SCARB2: variants seen among roughly 807,000 people sequenced by gnomAD.
The protein encoded by SCARB2 is lysosome membrane protein 2.
A neutral mutation model predicts 58.6 loss-of-function variants in SCARB2; 29 were observed. The ratio of observed to expected loss-of-function variants is 0.49; its 90% confidence interval spans 0.37 to 0.67. The LOEUF (loss-of-function observed/expected upper bound fraction) is 0.67, where lower values mean the gene tolerates loss of function less well. SCARB2 is among the 30% of genes least tolerant of loss of function. The pLI, the probability that SCARB2 is intolerant of heterozygous loss-of-function variation, is 0.00. For synonymous variants in SCARB2, 195 were observed against 210.1 expected, an observed-to-expected ratio of 0.93 and a Z score of 0.62; for missense variants, 488 against 578.5, an observed-to-expected ratio of 0.84 and a Z score of 1.60.
chr4:76,194,718 C>T (rs1449997226), intron 2 of SCARB2: 2 of 152,060 alleles, frequency 1.3e-5, no homozygotes, highest in African/African-American at 4.8e-5. Context: ...GTTTTCTAAC[C>T]TGGTAAGGAG....
At chr4:76,167,453 G>A (rs1578714832) in intron 9 of SCARB2, among the ~76,000 whole-genome samples, 1 of 152,016 alleles carries the variant, frequency 6.6e-6, no homozygotes, top group Middle Eastern at 3.4e-3. Context: ...AAAAGTGTGT[G>A]GCACCTCCCC....
chr4:76,178,750 A>C (rs1447295071), intron 4 of SCARB2, among the ~76,000 whole-genome samples: 4 of 152,124 alleles, frequency 2.6e-5, no homozygotes, highest in Non-Finnish European at 5.9e-5. Flanking sequence ...TCACACATAT[A>C]ATTTTTTAAA....
chr4:76,233,863 G>C (rs975906028), intron 1 of SCARB2, among the ~76,000 whole-genome samples: 19 of 116,180 alleles, frequency 1.6e-4, no homozygotes, highest in African/African-American at 5.1e-4. Context: ...TAGTTGGTTG[G>C]GGGGGGCTTG....
chr4:76,161,312 C>A lies in SCARB2; in HGVS notation c.*401G>T, dbSNP rs1043674178. On this transcript the variant is annotated 3_prime_UTR_variant, in exon 12 of 12. Transcript: ENST00000264896. ...GGAATACAACATAAAATGGTATATA[C>A]GCATTTTGAGCACAAAGTTCGGTGA... 4.1e-6 allele frequency: 1 copy of A among 242,856 alleles called. No homozygotes were observed. Among genetic ancestry groups the A allele is most frequent in the South Asian group, 5.7e-5 (1 of 17,532 alleles). The allele number at this position is 242,856 out of a possible 1,614,324, so 15.0% of individuals were successfully genotyped here.
chr4:76,223,783 T>G (rs1733348644), intron 1 of SCARB2, among the ~76,000 whole-genome samples: 2 of 152,088 alleles, frequency 1.3e-5, no homozygotes, highest in Non-Finnish European at 2.9e-5. Context: ...ACCTCAAAAC[T>G]GGTATTTGGA....
chr4:76,225,425 T>C (rs1227290231), intron 1 of SCARB2, among the ~76,000 whole-genome samples: 1 of 152,218 alleles, frequency 6.6e-6, no homozygotes, highest in Non-Finnish European at 1.5e-5. Context: ...TAGTACAATG[T>C]TGAATAGCAG....
intron 10 of SCARB2, 73 bp downstream of exon 10, chr4:76,166,177 A>T: frequency 7.1e-7 from 1 of 1,403,938 alleles, no homozygotes; most frequent in Non-Finnish European, 1.0e-6. Flanking sequence ...ACATGTAACT[A>T]CAACAGTAGA....
chr4:76,188,983 G>A (rs892691447), intron 2 of SCARB2, among the ~76,000 whole-genome samples: 2 of 152,120 alleles, frequency 1.3e-5, no homozygotes, highest in African/African-American at 4.8e-5. Context: ...CTATGGTTCC[G>A]GCTATTAGGT....
intron 1 of SCARB2, among the ~76,000 whole-genome samples, chr4:76,233,091 AC>A (rs200058580): frequency 0.053 from 8,059 of 152,288 alleles, 251 homozygotes; most frequent in Middle Eastern, 0.088. Context: ...TTACTAAAAA[AC>A]CACATTTTAC....
chr4:76,176,628 G>T, intron 4 of SCARB2, 100 bp from the exon 5 acceptor site: 1 of 785,848 alleles, frequency 1.3e-6, no homozygotes, highest in East Asian at 2.5e-5. Flanking sequence ...CACTAGCCCA[G>T]ATGGTGTGGT....
chr4:76,169,393 A>G (rs940063240), intron 8 of SCARB2, among the ~76,000 whole-genome samples: 2 of 152,058 alleles, frequency 1.3e-5, no homozygotes, highest in Non-Finnish European at 2.9e-5. Flanking sequence ...TAATAATATA[A>G]TAAACTCTCA....
At chr4:76,230,834 C>T (rs111947530) in intron 1 of SCARB2, among the ~76,000 whole-genome samples, 5,879 of 152,236 alleles carry the variant, frequency 0.039, 337 homozygotes, top group African/African-American at 0.12. Flanking sequence ...GCCTTGAATT[C>T]CCTAGACCTC....
intron 1 of SCARB2, among the ~76,000 whole-genome samples, chr4:76,232,952 C>A (rs1232300858): frequency 6.6e-6 from 1 of 152,196 alleles, no homozygotes. Context: ...TCACAGAGAA[C>A]CTCTTCTGCA....
upstream of SCARB2, chr4:76,217,674 A>C (rs1002367459): frequency 6.2e-5 from 40 of 646,160 alleles, no homozygotes; most frequent in Admixed American, 8.2e-4. Context: ...ACCTCTTTTC[A>C]CTACCCAATC....
intron 1 of SCARB2, among the ~76,000 whole-genome samples, chr4:76,219,751 G>A (rs1309685937): frequency 6.6e-6 from 1 of 152,030 alleles, no homozygotes; most frequent in Non-Finnish European, 1.5e-5. Flanking sequence ...GGGGGGCTTA[G>A]ATATTAGACT....
chr4:76,170,497 T>TA, intron 7 of SCARB2, among the ~76,000 whole-genome samples: 1 of 152,340 alleles, frequency 6.6e-6, no homozygotes, highest in South Asian at 2.1e-4. Context: ...ACTGACTTTT[T>TA]ATTTCTTGTC....
rs985349889 is a variant in SCARB2 at position 76,163,559 on chromosome 4, A to G, written c.1240-176T>C. On this transcript the variant is annotated intron_variant, in intron 10 of 11. Coordinates refer to ENST00000264896, the MANE Select transcript of SCARB2 (RefSeq NM_005506.4). ...TCAGAAGGGACATTTATTCATTAAT[A>G]TCTTGTCTTCTCCTGAAGACATTTT... The G allele has an allele frequency of 1.5e-4, 101 of 666,602 alleles. No homozygotes were observed. In the Middle Eastern group the frequency reaches 1.6e-3, roughly 11 times the overall value. The allele number at this position is 666,602 out of a possible 1,614,324, so 41.3% of individuals were successfully genotyped here. A position where few individuals can be genotyped will look rare whatever the true frequency, so the allele number is the denominator to read the frequency against.
At chr4:76,207,648 T>C (rs890759403) in intron 1 of SCARB2, among the ~76,000 whole-genome samples, 60 of 152,212 alleles carry the variant, frequency 3.9e-4, no homozygotes, top group Middle Eastern at 3.2e-3. Context: ...GTATAGTGTA[T>C]AGATAGTGCA....
intron 2 of SCARB2, among the ~76,000 whole-genome samples, chr4:76,182,369 T>C (rs1459669685): frequency 6.6e-6 from 1 of 152,206 alleles, no homozygotes; most frequent in African/African-American, 2.4e-5. Flanking sequence ...TTTTTTTATA[T>C]TGATTATATA....
Sources: allele counts gnomAD v4.1 joint callset (sites outside exome capture counted in the v4.1 genomes callset), GRCh38; gene constraint gnomAD v4.1.1; transcripts MANE v1.5; gene names NCBI Gene and HGNC (gene_info 2026-07-23, HGNC 2026-07-21).